RAB3C: variants seen among roughly 807,000 people sequenced by gnomAD.
The protein encoded by RAB3C is ras-related protein Rab-3C.
In RAB3C, 17 loss-of-function variants were observed where a neutral mutation model predicts 26.4. The observed-to-expected ratio is 0.64, with a 90% CI of 0.44 to 0.97. RAB3C has a LOEUF of 0.97. Ranked by LOEUF, RAB3C falls within the 50% of genes least tolerant of loss-of-function variation. The probability of loss-of-function intolerance (pLI) is 0.00; values close to 1 mark genes in which losing one functional copy is unlikely to be tolerated. For missense variants in RAB3C, 242 were observed against 281.9 expected, an observed-to-expected ratio of 0.86 and a Z score of 1.01; for synonymous variants, 91 against 95.9, an observed-to-expected ratio of 0.95 and a Z score of 0.30.
chr5:58,847,741 T>G (rs896055921), intron 4 of RAB3C, among the ~76,000 whole-genome samples: 1 of 152,216 alleles, frequency 6.6e-6, no homozygotes, highest in Non-Finnish European at 1.5e-5. Context: ...AACTACTAAA[T>G]GCTAAAATAC....
At chr5:58,583,456 G>T (rs1745948420) in intron 1 of RAB3C, 3 of 592,932 alleles carry the variant, frequency 5.1e-6, no homozygotes, top group Non-Finnish European at 6.4e-6. Context: ...ATCTTTCTAG[G>T]CTCTGTAAAG....
At chr5:58,769,948 A>G (rs1034560245) in intron 3 of RAB3C, among the ~76,000 whole-genome samples, 9 of 152,198 alleles carry the variant, frequency 5.9e-5, no homozygotes, top group Admixed American at 4.6e-4. Flanking sequence ...ATCTAGTTGC[A>G]TCTGGTTTAG....
At chr5:58,776,112 C>T (rs964842196) in intron 3 of RAB3C, among the ~76,000 whole-genome samples, 3 of 152,096 alleles carry the variant, frequency 2.0e-5, no homozygotes, top group Non-Finnish European at 4.4e-5. Flanking sequence ...AACTCACTCT[C>T]TCAGCCACTG....
At chr5:58,730,663 G>GA (rs971209935) in intron 3 of RAB3C, among the ~76,000 whole-genome samples, 2 of 151,872 alleles carry the variant, frequency 1.3e-5, no homozygotes, top group East Asian at 1.9e-4. Flanking sequence ...TATTCAGAAA[G>GA]AAAAAAAAGC....
rs562944073 is a variant in RAB3C at position 58,834,983 on chromosome 5, G to T, written c.496+9821G>T. Among the ~76,000 whole-genome samples the T allele has an allele frequency of 2.0e-5, 3 of 152,242 alleles. 1 individual carries two copies. Among genetic ancestry groups the T allele is most frequent in the African/African-American group, 7.2e-5 (3 of 41,530 alleles). On this transcript the variant is annotated intron_variant, in intron 4 of 4. Coordinates refer to ENST00000282878, the MANE Select transcript of RAB3C (RefSeq NM_138453.4). Reference sequence around the variant, plus strand: ...ATAAAGTGACCATGCATCCCAGTTTGCTCAGGACAGTCCTGTTTATGTTCA... The same window carrying T: ...ATAAAGTGACCATGCATCCCAGTTTTCTCAGGACAGTCCTGTTTATGTTCA...
intron 2 of RAB3C, among the ~76,000 whole-genome samples, chr5:58,708,931 GTCTT>G (rs1749005308): frequency 6.6e-6 from 1 of 152,122 alleles, no homozygotes; most frequent in African/African-American, 2.4e-5. Flanking sequence ...GTCCTACCTC[GTCTT>G]TCTTCTTAAA....
At chr5:58,769,182 G>A (rs1326650731) in intron 3 of RAB3C, among the ~76,000 whole-genome samples, 1 of 152,082 alleles carries the variant, frequency 6.6e-6, no homozygotes, top group African/African-American at 2.4e-5. Flanking sequence ...TTGGATGGCA[G>A]GAAGAGTCCA....
chr5:58,764,345 T>C (rs1482550698), intron 3 of RAB3C, among the ~76,000 whole-genome samples: 1 of 152,188 alleles, frequency 6.6e-6, no homozygotes, highest in Non-Finnish European at 1.5e-5. Flanking sequence ...GGCCAAGACA[T>C]TTAGAAAGCA....
At chr5:58,841,304 A>C (rs545496500) in intron 4 of RAB3C, among the ~76,000 whole-genome samples, 24 of 152,298 alleles carry the variant, frequency 1.6e-4, no homozygotes, top group Admixed American at 8.5e-4. Flanking sequence ...CCCAGCTGAA[A>C]GTGTAGTGAC....
Position 58,858,935 on chromosome 5 carries a change from C to A in RAB3C, c.*7584C>A, listed in dbSNP as rs779768903. The A allele has an allele frequency of 1.3e-5, 2 of 152,162 alleles. No homozygotes were observed. The highest frequency in any genetic ancestry group is 2.9e-5 in the Non-Finnish European group (2 of 68,032). 9.4% of individuals were successfully genotyped at this position (152,162 alleles called of 1,614,324 possible). A position where few individuals can be genotyped will look rare whatever the true frequency, so the allele number is the denominator to read the frequency against. On this transcript the variant is annotated 3_prime_UTR_variant, in exon 5 of 5. Transcript: ENST00000282878. ...CACCAAACCATGAGAGATTGTCCGA[C>A]CTAATGCCACCTGGCAGATGTGTAC...
intron 1 of RAB3C, among the ~76,000 whole-genome samples, chr5:58,602,882 G>A (rs773502303): frequency 4.6e-5 from 7 of 151,846 alleles, no homozygotes; most frequent in Non-Finnish European, 1.0e-4. Context: ...TATTCATCAT[G>A]CAATGGTATT....
chr5:58,844,771 G>A (rs1477689497), intron 4 of RAB3C, among the ~76,000 whole-genome samples: 2 of 152,110 alleles, frequency 1.3e-5, no homozygotes, highest in African/African-American at 4.8e-5. Context: ...ATAATTTATT[G>A]CAGTGTGACT....
chr5:58,851,171 G>A lies in RAB3C; in HGVS notation c.504G>A (p.Glu168=). ...TCTGTGTGTTTCTTCCAGGGTTTGA[G>A]TTTTTTGAAACAAGTGCCAAGGACA... ...GQHLGEQLGF[E]FFETSAKDNI... is the part of the protein sequence containing the mutation. Residue 168 remains glutamate, a synonymous_variant, in exon 5 of 5, where the codon GAG becomes GAA. Transcript: ENST00000282878. The A allele has an allele frequency of 6.3e-7, 1 of 1,592,662 alleles. No homozygotes were observed. Among genetic ancestry groups the A allele is most frequent in the Non-Finnish European group, 8.5e-7 (1 of 1,172,958 alleles).
At chr5:58,813,887 T>C (rs796839562) in intron 3 of RAB3C, among the ~76,000 whole-genome samples, 5 of 140,262 alleles carry the variant, frequency 3.6e-5, no homozygotes, top group African/African-American at 1.4e-4. Context: ...CACAATTTAT[T>C]GGCATTTCTT....
At position 58,749,995 on chromosome 5, in the gene RAB3C, ATG is replaced by A. The variant is rs1481476470; in HGVS notation, c.371+23879_371+23880del. On this transcript the variant is annotated intron_variant, in intron 3 of 4. Coordinates refer to ENST00000282878, the MANE Select transcript of RAB3C (RefSeq NM_138453.4). ...ATGAGATGTCATTCATTATTAATTT[ATG>A]TGTTAGCCATTTCTTTTTTATCTAT... Among the ~76,000 whole-genome samples, 6 of 152,282 alleles carry A rather than the reference ATG, an allele frequency of 3.9e-5. No individual in the cohort carries two copies. In the East Asian group the frequency reaches 9.6e-4, roughly 24 times the overall value.
chr5:58,627,138 C>A (rs1747069324), intron 2 of RAB3C, among the ~76,000 whole-genome samples: 1 of 152,108 alleles, frequency 6.6e-6, no homozygotes, highest in Non-Finnish European at 1.5e-5. Flanking sequence ...TGATGCCCTG[C>A]CCTAGAGCAA....
chr5:58,594,068 C>G (rs1229034544), intron 1 of RAB3C, among the ~76,000 whole-genome samples: 1 of 152,200 alleles, frequency 6.6e-6, no homozygotes, highest in African/African-American at 2.4e-5. Flanking sequence ...TCATCAGCCT[C>G]TCATCACTTG....
rs1284606323 is a variant in RAB3C at position 58,597,239 on chromosome 5, TATATTATATAATATATACTACACA to T, written c.24+14012_24+14035del. 3.3e-5 allele frequency among the ~76,000 whole-genome samples: 4 copies of T among 119,832 alleles called. 1 individual carries two copies. In the South Asian group the frequency reaches 7.1e-4, roughly 21 times the overall value. The allele number at this position is 119,832 out of a possible 152,430, so 78.6% of individuals were successfully genotyped here. A position where few individuals can be genotyped will look rare whatever the true frequency, so the allele number is the denominator to read the frequency against. On this transcript the variant is annotated intron_variant, in intron 1 of 4. Coordinates refer to ENST00000282878, the MANE Select transcript of RAB3C (RefSeq NM_138453.4). ...ATATTATATAATATATACTACACAA[TATATTATATAATATATACTACACA>T]ATATATTATATAATATATACTACAC...
intron 2 of RAB3C, among the ~76,000 whole-genome samples, chr5:58,711,309 A>AT (rs1222669741): frequency 2.0e-5 from 3 of 152,056 alleles, no homozygotes; most frequent in Non-Finnish European, 4.4e-5. Context: ...GCTCGCTTCG[A>AT]TTTTTTACTC....
Sources: allele counts gnomAD v4.1 joint callset (sites outside exome capture counted in the v4.1 genomes callset), GRCh38; gene constraint gnomAD v4.1.1; transcripts MANE v1.5; gene names NCBI Gene and HGNC (gene_info 2026-07-23, HGNC 2026-07-21).